CPA5: variants seen among roughly 807,000 people sequenced by gnomAD.
CPA5 encodes the protein testicular tissue protein Li 32.
In CPA5, 38 loss-of-function variants were observed where a neutral mutation model predicts 52.2. That is an observed-to-expected ratio of 0.73 (90% confidence interval 0.56 to 0.95). CPA5 has a LOEUF of 0.95. Among genes scored for constraint, CPA5 ranks in the 40% least tolerant of loss-of-function variants. The probability of loss-of-function intolerance (pLI) is 0.00; values close to 1 mark genes in which losing one functional copy is unlikely to be tolerated. For synonymous variants in CPA5, 198 were observed against 213.7 expected, an observed-to-expected ratio of 0.93 and a Z score of 0.64; for missense variants, 519 against 566.7, an observed-to-expected ratio of 0.92 and a Z score of 0.86.
Position 130,368,624 on chromosome 7 carries a change from A to C in CPA5, c.*27A>C. The stretch of plus-strand genomic sequence containing the variant: ...AGCACGACTGAGGGCAGGAGGCTCC[A>C]TCCTTCTCCCCAAGGTCTGTGGCTC... On this transcript the variant is annotated 3_prime_UTR_variant, in exon 13 of 13. Coordinates refer to ENST00000474905, the MANE Select transcript of CPA5 (RefSeq NM_080385.5). The C allele has an allele frequency of 1.2e-6, 2 of 1,612,400 alleles. No homozygotes were observed. The highest frequency in any genetic ancestry group is 1.7e-6 in the Non-Finnish European group (2 of 1,179,246).
chr7:130,352,349 C>T (rs556141564), intron 5 of CPA5, among the ~76,000 whole-genome samples: 22 of 147,822 alleles, frequency 1.5e-4, no homozygotes, highest in Middle Eastern at 3.5e-3. Context: ...GCTGGAGGGT[C>T]GCGGGGGCCG....
At chr7:130,346,783 G>T (rs1554402337) in intron 3 of CPA5, among the ~76,000 whole-genome samples, 182 bp downstream of exon 3, 1 of 152,136 alleles carries the variant, frequency 6.6e-6, no homozygotes. Flanking sequence ...CTGGCTCGTT[G>T]GTGGTCCTCC....
chr7:130,348,304 T>C (rs1158895282), intron 4 of CPA5, among the ~76,000 whole-genome samples: 1 of 152,228 alleles, frequency 6.6e-6, no homozygotes, highest in Non-Finnish European at 1.5e-5. Flanking sequence ...ACATTTGTCC[T>C]CTGCAGGTTT....
intron 5 of CPA5, among the ~76,000 whole-genome samples, chr7:130,350,942 G>A (rs1795099195): frequency 6.6e-6 from 1 of 152,218 alleles, no homozygotes; most frequent in Admixed American, 6.5e-5. Context: ...CCGTGTACCT[G>A]TGGAACTGTA....
downstream of CPA5, chr7:130,368,734 G>A (rs767148283): frequency 1.9e-3 from 1,646 of 864,348 alleles, 4 homozygotes; most frequent in Non-Finnish European, 2.6e-3. Context: ...AACAGGCTTC[G>A]CTGCCTCTCG....
chr7:130,356,030 T>C (rs559323812), intron 5 of CPA5, among the ~76,000 whole-genome samples: 552 of 152,128 alleles, frequency 3.6e-3, no homozygotes, highest in Non-Finnish European at 6.4e-3. Context: ...AGGACTGGAG[T>C]TGCTACTGGC....
intron 11 of CPA5, 73 bp downstream of exon 11, chr7:130,367,644 G>A (rs2117469687): frequency 7.1e-7 from 1 of 1,409,718 alleles, no homozygotes; most frequent in Non-Finnish European, 1.0e-6. Flanking sequence ...CATACTCCCA[G>A]AGGGCTCAGG....
rs781794465 is a variant in CPA5, at chr7:130,362,973, G to T, written c.726G>T (p.Gly242=). ...TAGAGCTCGTCACAAACCCTGATGG[G>T]TTTGCTTTTACCCACAGCATGGTGA... is the stretch of plus-strand genomic sequence containing the variant. ...IFIELVTNPD[G]FAFTHSMNRL... The change falls in exon 9 of 13, where the codon GGG becomes GGT. Residue 242 remains glycine (G), a synonymous_variant. Coordinates refer to ENST00000474905, the MANE Select transcript of CPA5 (RefSeq NM_080385.5). 1.9e-6 allele frequency: 3 copies of T among 1,612,224 alleles called. No individual in the cohort carries two copies. The Admixed American group carries it at 5.0e-5, about 27-fold the overall frequency.
chr7:130,363,587 T>A (rs1261606670), intron 10 of CPA5, 78 bp downstream of exon 10: 1 of 1,212,454 alleles, frequency 8.2e-7, no homozygotes, highest in Admixed American at 2.0e-5. Context: ...TCAGTCAGAT[T>A]ATGTTGACTC....
Position 130,363,470 on chromosome 7 carries a change from G to T in CPA5, c.799G>T (p.Gly267Cys). 1 of 1,586,238 alleles carries T rather than the reference G, an allele frequency of 6.3e-7. No individual in the cohort carries two copies. The highest frequency in any genetic ancestry group is 8.6e-7 in the Non-Finnish European group (1 of 1,166,064). ...CATCAGACCTGGAATCTTCTGCATCGGCGTGGATCTCAACAGGAACTGGAA... is the reference window on the plus strand; with the variant it reads ...CATCAGACCTGGAATCTTCTGCATCTGCGTGGATCTCAACAGGAACTGGAA... The part of the protein sequence containing the change: ...KSIRPGIFCI[G>C]VDLNRNWKSG... The change falls in exon 10 of 13, where the codon GGC becomes TGC. Residue 267 changes from glycine (G) to cysteine (C), a missense_variant. Gly to Cys is a radical substitution (Grantham distance 159, BLOSUM62 -3). Transcript: ENST00000474905.
chr7:130,371,212 C>G (rs1796291633), downstream of CPA5, among the ~76,000 whole-genome samples: 1 of 152,240 alleles, frequency 6.6e-6, no homozygotes, highest in African/African-American at 2.4e-5. Flanking sequence ...CCGAAATAAA[C>G]TCTTTTCTAG....
chr7:130,363,043 TG>T, intron 9 of CPA5, 49 bp downstream of exon 9: 1 of 1,150,876 alleles, frequency 8.7e-7, no homozygotes, highest in Non-Finnish European at 1.3e-6. Flanking sequence ...TCTAGGGGGA[TG>T]GAGAAAAGGT....
chr7:130,347,378 T>TC (rs1794831562), intron 3 of CPA5, among the ~76,000 whole-genome samples: 1 of 152,100 alleles, frequency 6.6e-6, no homozygotes, highest in African/African-American at 2.4e-5. Context: ...GCCACACTGG[T>TC]CCCCCCAGCC....
intron 10 of CPA5, 92 bp downstream of exon 10, chr7:130,363,601 T>C: frequency 3.7e-6 from 4 of 1,069,312 alleles, no homozygotes; most frequent in South Asian, 1.4e-5. Context: ...TTGACTCAAC[T>C]TGGGAGGCAT....
At position 130,362,997 on chromosome 7, in the gene CPA5, G is replaced by A; in HGVS notation, c.747+3G>A. 1.9e-6 allele frequency: 3 copies of A among 1,577,520 alleles called. No individual in the cohort carries two copies. The highest frequency in any genetic ancestry group is 2.6e-6 in the Non-Finnish European group (3 of 1,146,910). On this transcript the variant is annotated splice_donor_region_variant and intron_variant, in intron 9 of 12. Coordinates refer to ENST00000474905, the MANE Select transcript of CPA5 (RefSeq NM_080385.5). ...GGTTTGCTTTTACCCACAGCATGGT[G>A]AGGGAACCTGGGAAGGATGGAAGGA...
chr7:130,370,097 T>C (rs1554409734), downstream of CPA5, among the ~76,000 whole-genome samples: 1 of 152,216 alleles, frequency 6.6e-6, no homozygotes, highest in East Asian at 1.9e-4. Context: ...TGAGGAGGCC[T>C]AGGATAGAGG....
chr7:130,367,268 C>T, intron 10 of CPA5, 104 bp from the exon 11 acceptor site: 1 of 992,478 alleles, frequency 1.0e-6, no homozygotes, highest in Non-Finnish European at 1.5e-6. Flanking sequence ...AGTCATACTG[C>T]AAAGGAGGCT....
downstream of CPA5, chr7:130,368,871 G>C (rs1450986547): frequency 1.5e-5 from 7 of 458,868 alleles, no homozygotes; most frequent in Non-Finnish European, 1.9e-5. Flanking sequence ...GAAAATAAGG[G>C]GGTAGAGGCT....
rs142001870 is a variant in CPA5, at chr7:130,367,429, C to T, written c.896C>T (p.Ser299Leu). The T allele has an allele frequency of 3.6e-4, 576 of 1,614,122 alleles. No homozygotes were observed. The highest frequency in any genetic ancestry group is 4.5e-4 in the Non-Finnish European group (531 of 1,180,030). Reference sequence around the variant, plus strand: ...ACTTATCACGGGCCCTCCCCTCAGTCGGAGCCGGAGGTGGCTGCCATAGTG... The same window carrying T: ...ACTTATCACGGGCCCTCCCCTCAGTTGGAGCCGGAGGTGGCTGCCATAGTG... ...SETYHGPSPQ[S>L]EPEVAAIVNF... is the part of the protein sequence containing the mutation. Residue 299 changes from serine (S) to leucine (L), a missense_variant, in exon 11 of 13, where the codon TCG becomes TTG. Coordinates refer to ENST00000474905, the MANE Select transcript of CPA5 (RefSeq NM_080385.5).
Sources: gnomAD v4.1 joint callset for allele counts (sites outside exome capture counted in the v4.1 genomes callset) on GRCh38, gnomAD v4.1.1 for gene constraint, MANE v1.5 for transcripts, NCBI Gene and HGNC (gene_info 2026-07-23, HGNC 2026-07-21) for gene names.